Variants in CAPN13 observed in about 807,000 individuals in gnomAD.
CAPN13 encodes the protein calpain-13.
A neutral mutation model predicts 98.4 loss-of-function variants in CAPN13; 90 were observed. The observed-to-expected ratio is 0.92, with a 90% CI of 0.77 to 1.09. The LOEUF (loss-of-function observed/expected upper bound fraction) is 1.09. Among genes scored for constraint, CAPN13 ranks in the 50% least tolerant of loss-of-function variants. The pLI, the probability that CAPN13 is intolerant of heterozygous loss-of-function variation, is 0.00. For missense variants in CAPN13, 887 were observed against 841.3 expected, an observed-to-expected ratio of 1.05 and a Z score of -0.67; for synonymous variants, 330 against 305.5, an observed-to-expected ratio of 1.08 and a Z score of -0.84.
chr2:30,746,110 GCTGGTCTTGAACTCCCGACCTCAGGAT>G (rs1351641585), intron 11 of CAPN13, among the ~76,000 whole-genome samples: 2 of 151,978 alleles, frequency 1.3e-5, no homozygotes, highest in Non-Finnish European at 2.9e-5. Flanking sequence ...TGTTGGTCAG[GCTGGTCTTGAACTCCCGACCTCAGGAT>G]CTGCCTGCCT....
chr2:30,760,088 T>C (rs1465685030), intron 7 of CAPN13, among the ~76,000 whole-genome samples: 1 of 134,182 alleles, frequency 7.5e-6, no homozygotes, highest in African/African-American at 3.5e-5. Context: ...TTATTATTGT[T>C]GTGATTTTTT....
chr2:30,726,196 A>G (rs1670850351), intron 22 of CAPN13, among the ~76,000 whole-genome samples: 2 of 152,242 alleles, frequency 1.3e-5, no homozygotes, highest in Admixed American at 6.5e-5. Flanking sequence ...GCAAGTAATG[A>G]AAAGTGTGTT....
rs183530235 is a variant in CAPN13, at chr2:30,743,479, T to A, written c.1349A>T (p.His450Leu). Residue 450 changes from histidine (H) to leucine (L), a missense_variant, in exon 13 of 23, where the codon CAT (histidine) becomes CTT (leucine). His to Leu is a moderately conservative substitution (Grantham distance 99, BLOSUM62 -3). Coordinates refer to ENST00000295055, the MANE Select transcript of CAPN13 (RefSeq NM_144575.3). ...KFRRNFTMTY[H>L]LSPGNYVVVA... ...CACAACATAGTTCCCAGGGCTCAGATGGTAAGTCATGGTGAAGTTGCGGCG... is the reference window on the plus strand; with the variant it reads ...CACAACATAGTTCCCAGGGCTCAGAAGGTAAGTCATGGTGAAGTTGCGGCG... The A allele has an allele frequency of 1.4e-4, 227 of 1,613,956 alleles. No homozygotes were observed. The African/African-American group carries it at 2.9e-3, about 21-fold the overall frequency.
Position 30,758,129 on chromosome 2 carries a change from G to T in CAPN13, c.783C>A (p.Tyr261Ter), listed in dbSNP as rs1371722910. Residue 261 changes from tyrosine (Y) to a stop codon, truncating the protein, a stop_gained, in exon 8 of 23, where the codon TAC becomes TAA. Transcript: ENST00000295055. LOFTEE classifies it high-confidence loss of function. ...AGATAATTTCTTCCCAGCCCCTTCG[G>T]TATTGAATCTGTAAAGAAAACAGAA... ...YTVTGAEQIQ[Y>*]RRGWEEIISL... 1.9e-6 allele frequency: 3 copies of T among 1,600,502 alleles called. No homozygotes were observed. The highest frequency in any genetic ancestry group is 1.7e-4 in the Middle Eastern group (1 of 6,042).
chr2:30,726,730 A>G (rs1009601068), intron 22 of CAPN13, among the ~76,000 whole-genome samples: 2 of 152,166 alleles, frequency 1.3e-5, no homozygotes, highest in African/African-American at 4.8e-5. Flanking sequence ...AAGATATAGA[A>G]AAATGAAGAG....
At chr2:30,763,886 T>C (rs186973453) in intron 6 of CAPN13, among the ~76,000 whole-genome samples, 187 of 152,340 alleles carry the variant, frequency 1.2e-3, no homozygotes, top group Non-Finnish European at 2.1e-3. Flanking sequence ...TTATGAGCTG[T>C]GTGTTGGTGA....
Position 30,764,022 on chromosome 2 carries a change from C to T in CAPN13, c.699+110G>A, listed in dbSNP as rs753378233. 33 of 1,105,686 alleles carry T rather than the reference C, an allele frequency of 3.0e-5. No homozygotes were observed. The Middle Eastern group carries it at 6.9e-4, about 23-fold the overall frequency. 68.5% of individuals were successfully genotyped at this position (1,105,686 alleles called of 1,614,324 possible). On this transcript the variant is annotated intron_variant, in intron 6 of 22. Transcript: ENST00000295055. ...CCGGGTAAAGCACGCTATCAGTGTT[C>T]GTTAATGGTGGCAGCTTGCCACATC...
rs1404734151 is a variant in CAPN13 at position 30,742,325 on chromosome 2, C to T, written c.1479+1G>A. 4.4e-6 allele frequency: 7 copies of T among 1,603,472 alleles called. No homozygotes were observed. Among genetic ancestry groups the T allele is most frequent in the Non-Finnish European group, 5.1e-6 (6 of 1,175,072 alleles). ...CCAGCCAAACCTTGCTGCATACCTA[C>T]CTTCATTCTGAGGTTGAAATGGCTG... On this transcript the variant is annotated splice_donor_variant, in intron 14 of 22. Coordinates refer to ENST00000295055, the MANE Select transcript of CAPN13 (RefSeq NM_144575.3). LOFTEE classifies it high-confidence loss of function.
At chr2:30,738,195 G>A (rs1417254975) in intron 17 of CAPN13, 40 bp downstream of exon 17, 8 of 1,611,246 alleles carry the variant, frequency 5.0e-6, no homozygotes, top group Non-Finnish European at 6.8e-6. Flanking sequence ...ACAGAGCTGA[G>A]GGGTGCTCAG....
At chr2:30,757,862 C>T (rs1672536438) in intron 8 of CAPN13, among the ~76,000 whole-genome samples, 184 bp downstream of exon 8, 1 of 152,208 alleles carries the variant, frequency 6.6e-6, no homozygotes, top group African/African-American at 2.4e-5. Flanking sequence ...GTAGGTGCCC[C>T]ATAGTTGCTT....
chr2:30,787,053 C>A (rs1674321118), intron 2 of CAPN13, 75 bp downstream of exon 2: 2 of 1,247,296 alleles, frequency 1.6e-6, no homozygotes, highest in Non-Finnish European at 2.2e-6. Flanking sequence ...GCTCCACCTC[C>A]TTTTGGCTGG....
chr2:30,753,314 G>C, intron 9 of CAPN13, 116 bp from the exon 10 acceptor site: 2 of 1,057,828 alleles, frequency 1.9e-6, no homozygotes, highest in South Asian at 3.0e-5. Flanking sequence ...TCTGATCCTG[G>C]CTCATTCACC....
At position 30,741,896 on chromosome 2, in the gene CAPN13, T is replaced by A. The variant is rs1434046774; in HGVS notation, c.1536+12A>T. On this transcript the variant is annotated intron_variant, in intron 15 of 22. Transcript: ENST00000295055. ...AATCCCACGTAAGGCCCCTGGGTGC[T>A]AGGTACCATACCTGCTGAGCATATC... The A allele has an allele frequency of 1.9e-6, 3 of 1,613,924 alleles. No individual in the cohort carries two copies. The Admixed American group carries it at 5.0e-5, about 27-fold the overall frequency.
At position 30,787,150 on chromosome 2, in the gene CAPN13, T is replaced by C. The variant is rs751660208; in HGVS notation, c.176A>G (p.Asn59Ser). 7.6e-6 allele frequency: 12 copies of C among 1,573,684 alleles called. No individual in the cohort carries two copies. Among genetic ancestry groups the C allele is most frequent in the South Asian group, 2.3e-5 (2 of 85,468 alleles). Reference protein sequence around the residue: ...QKLLQEKRLSNVIWKRPQDLP... With the variant: ...QKLLQEKRLSSVIWKRPQDLP... ...CACCTGTGGCCGCTTCCATATCACA[T>C]TGGAGAGGCGTTTTTCCTGGAGCAG... Residue 59 changes from asparagine (N) to serine (S), a missense_variant, in exon 2 of 23, where the codon AAT becomes AGT. Physicochemically the swap from Asn to Ser is conservative, Grantham distance 46. Transcript: ENST00000295055.
At position 30,763,263 on chromosome 2, in the gene CAPN13, A is replaced by C. The variant is rs369652794; in HGVS notation, c.700-107T>G. 6.5e-6 allele frequency: 6 copies of C among 920,716 alleles called. No homozygotes were observed. In the South Asian group the frequency reaches 9.1e-5, roughly 14 times the overall value. The allele number at this position is 920,716 out of a possible 1,614,324, so 57.0% of individuals were successfully genotyped here. A position where few individuals can be genotyped will look rare whatever the true frequency, so the allele number is the denominator to read the frequency against. ...TGAGCCATCTGGGCCTCACTGACTCACTTGGGACTGGTATATGGCCTGGAA... is the reference window on the plus strand; with the variant it reads ...TGAGCCATCTGGGCCTCACTGACTCCCTTGGGACTGGTATATGGCCTGGAA... On this transcript the variant is annotated intron_variant, in intron 6 of 22. Transcript: ENST00000295055.
At chr2:30,726,801 G>C (rs13388696) in intron 22 of CAPN13, among the ~76,000 whole-genome samples, 68,152 of 151,930 alleles carry the variant, frequency 0.45, 15,497 homozygotes, top group East Asian at 0.65. Flanking sequence ...TTGACCTTTA[G>C]ATTTAATGTA....
At chr2:30,776,767 C>T (rs1043642918) in intron 3 of CAPN13, among the ~76,000 whole-genome samples, 1 of 152,096 alleles carries the variant, frequency 6.6e-6, no homozygotes, top group Non-Finnish European at 1.5e-5. Flanking sequence ...CTAACATGAT[C>T]AATTTGTCTT....
chr2:30,731,310 C>T (rs1470526781), intron 21 of CAPN13, 34 bp downstream of exon 21: 1 of 1,586,786 alleles, frequency 6.3e-7, no homozygotes, highest in Non-Finnish European at 8.6e-7. Flanking sequence ...CAGCCTGGGA[C>T]TGTGCCTGCC....
At chr2:30,776,293 G>A (rs1219722815) in intron 3 of CAPN13, among the ~76,000 whole-genome samples, 4 of 152,226 alleles carry the variant, frequency 2.6e-5, no homozygotes, top group South Asian at 4.2e-4. Flanking sequence ...GTGCAGTGAC[G>A]CGCTCTGGGC....
Sources: allele counts gnomAD v4.1 joint callset (sites outside exome capture counted in the v4.1 genomes callset), GRCh38; gene constraint gnomAD v4.1.1; transcripts MANE v1.5; gene names NCBI Gene and HGNC (gene_info 2026-07-23, HGNC 2026-07-21).